EFCAB8: variants seen among roughly 807,000 people sequenced by gnomAD.
EFCAB8 encodes the protein EF-hand calcium-binding domain-containing protein 8.
A neutral mutation model predicts 116.3 loss-of-function variants in EFCAB8; 100 were observed. The ratio of observed to expected loss-of-function variants is 0.86; its 90% CI spans 0.73 to 1.02. The LOEUF (loss-of-function observed/expected upper bound fraction) is 1.02, where lower values mean the gene tolerates loss of function less well. Among genes scored for constraint, EFCAB8 ranks in the 50% least tolerant of loss-of-function variants. The probability of loss-of-function intolerance (pLI) is 0.00; values close to 1 mark genes in which losing one functional copy is unlikely to be tolerated. For missense variants in EFCAB8, 1,320 were observed against 1,416.9 expected, an observed-to-expected ratio of 0.93 and a Z score of 1.10; for synonymous variants, 558 against 567.9, an observed-to-expected ratio of 0.98 and a Z score of 0.25.
At chr20:32,893,369 G>C in intron 9 of EFCAB8, 71 bp downstream of exon 9, 2 of 1,533,150 alleles carry the variant, frequency 1.3e-6, no homozygotes, top group Non-Finnish European at 1.8e-6. Context: ...GGTCATCCTG[G>C]TCCCCGAGCC....
intron 23 of EFCAB8, among the ~76,000 whole-genome samples, chr20:32,950,001 A>AAAAC (rs141786896): frequency 0.65 from 97,850 of 151,106 alleles, 32,187 homozygotes; most frequent in Middle Eastern, 0.74. Flanking sequence ...CTCTGTCTCA[A>AAAAC]AAACAAACAA....
In EFCAB8 at chr20:32,908,273, A is replaced by G. The variant is rs1986770389; in HGVS notation, c.1309-2A>G. The G allele has an allele frequency of 2.4e-6, 3 of 1,249,494 alleles. No individual in the cohort carries two copies. The highest frequency in any genetic ancestry group is 3.0e-6 in the Non-Finnish European group (3 of 988,160). The allele number at this position is 1,249,494 out of a possible 1,614,324, so 77.4% of individuals were successfully genotyped here. ...GCGTCTTGCCTTTTTCCCATCCCCC[A>G]GAATATTCGCGTGTGGGACATGCTG... On this transcript the variant is annotated splice_acceptor_variant, in intron 13 of 26. Transcript: ENST00000400522. LOFTEE classifies it high-confidence loss of function.
intron 5 of EFCAB8, among the ~76,000 whole-genome samples, chr20:32,879,463 T>C (rs897857637): frequency 1.3e-5 from 2 of 152,226 alleles, no homozygotes; most frequent in Non-Finnish European, 1.5e-5. Flanking sequence ...CTTTTCCCTC[T>C]ACCCATCTGA....
At chr20:32,896,333 G>A (rs995342047) in intron 9 of EFCAB8, 121 bp from the exon 10 acceptor site, 6 of 645,096 alleles carry the variant, frequency 9.3e-6, no homozygotes, top group Non-Finnish European at 1.7e-5. Flanking sequence ...GAGGGTTTGG[G>A]TGGAAAAGCC....
chr20:32,924,516 A>G (rs1413161012), intron 20 of EFCAB8, among the ~76,000 whole-genome samples: 1 of 152,220 alleles, frequency 6.6e-6, no homozygotes, highest in Non-Finnish European at 1.5e-5. Context: ...TACTATTATT[A>G]TTATTCCCAT....
intron 9 of EFCAB8, among the ~76,000 whole-genome samples, chr20:32,896,174 C>T (rs8183625): frequency 0.2 from 29,822 of 152,108 alleles, 3,002 homozygotes; most frequent in South Asian, 0.22. Flanking sequence ...GATTGCAGCA[C>T]CTAGGAAGCG....
At chr20:32,935,293 C>T (rs1035597698) in intron 22 of EFCAB8, among the ~76,000 whole-genome samples, 1 of 149,386 alleles carries the variant, frequency 6.7e-6, no homozygotes, top group African/African-American at 2.5e-5. Context: ...CCCCGCCTCC[C>T]GGGTTCAAGC....
intron 3 of EFCAB8, among the ~76,000 whole-genome samples, chr20:32,874,580 C>T (rs928307902): frequency 2.0e-5 from 3 of 151,414 alleles, no homozygotes; most frequent in African/African-American, 7.3e-5. Context: ...CTCACTCGGT[C>T]GCTCAGGCTG....
At chr20:32,889,773 A>G (rs1219937111) in intron 7 of EFCAB8, among the ~76,000 whole-genome samples, 1 of 152,002 alleles carries the variant, frequency 6.6e-6, no homozygotes, top group Admixed American at 6.6e-5. Flanking sequence ...AGGCCGAGGC[A>G]GGCGGATCAC....
At chr20:32,928,640 A>G (rs778220641) in intron 20 of EFCAB8, among the ~76,000 whole-genome samples, 2 of 152,148 alleles carry the variant, frequency 1.3e-5, no homozygotes, top group Non-Finnish European at 2.9e-5. Context: ...TCTACATATA[A>G]GATAATATCA....
At chr20:32,893,531 G>A (rs1986018816) in intron 9 of EFCAB8, among the ~76,000 whole-genome samples, 2 of 152,176 alleles carry the variant, frequency 1.3e-5, no homozygotes, top group South Asian at 4.1e-4. Context: ...TCTGAGGATG[G>A]GAGGCTGTGC....
intron 11 of EFCAB8, among the ~76,000 whole-genome samples, chr20:32,901,983 G>T (rs1002443576): frequency 1.3e-5 from 2 of 152,136 alleles, no homozygotes; most frequent in African/African-American, 4.8e-5. Context: ...ACCGCTCCTG[G>T]CCTTGTTTTT....
chr20:32,907,823 C>T (rs1986749433), intron 13 of EFCAB8, among the ~76,000 whole-genome samples: 1 of 152,116 alleles, frequency 6.6e-6, no homozygotes, highest in South Asian at 2.1e-4. Flanking sequence ...TTCTGTGGGG[C>T]CCTCTAGGGA....
intron 20 of EFCAB8, 37 bp from the exon 21 acceptor site, chr20:32,930,361 A>T (rs1401667171): frequency 2.0e-6 from 3 of 1,527,614 alleles, no homozygotes; most frequent in Non-Finnish European, 2.6e-6. Flanking sequence ...ACAGTGGCTC[A>T]CAGCCCTGCT....
Position 32,898,528 on chromosome 20 carries a change from C to G in EFCAB8, c.993C>G (p.Phe331Leu). The G allele has an allele frequency of 1.4e-6, 1 of 718,622 alleles. No homozygotes were observed. The allele number at this position is 718,622 out of a possible 1,614,324, so 44.5% of individuals were successfully genotyped here. A position where few individuals can be genotyped will look rare whatever the true frequency, so the allele number is the denominator to read the frequency against. ...LHPNWCEQVKFIPQMNVVVSC... is the reference protein window; with the variant it reads ...LHPNWCEQVKLIPQMNVVVSC... Reference sequence around the variant, plus strand: ...CCAACTGGTGTGAGCAGGTCAAGTTCATCCCCCAGATGAATGTGGTAGTCT... The same window carrying G: ...CCAACTGGTGTGAGCAGGTCAAGTTGATCCCCCAGATGAATGTGGTAGTCT... Residue 331 changes from phenylalanine (F) to leucine (L), a missense_variant, in exon 11 of 27, where the codon TTC becomes TTG. Physicochemically the swap from Phe to Leu is conservative, Grantham distance 22. Transcript: ENST00000400522.
chr20:32,943,683 G>A lies in EFCAB8; in HGVS notation c.2838G>A (p.Met946Ile). The change falls in exon 23 of 27, where the codon ATG (methionine) becomes ATA (isoleucine). Residue 946 changes from methionine (M) to isoleucine (I), a missense_variant. By Grantham distance (10) the Met-to-Ile change is conservative (BLOSUM62 1). Coordinates refer to ENST00000400522, the MANE Select transcript of EFCAB8 (RefSeq NM_001143967.2). ...CCCTGGTTCCCCCCACGCTCCTGATGACCTGGAAAGGCCATTTGAATAGTG... is the reference window on the plus strand; with the variant it reads ...CCCTGGTTCCCCCCACGCTCCTGATAACCTGGAAAGGCCATTTGAATAGTG... ...TISLVPPTLL[M>I]TWKGHLNSVA... The A allele has an allele frequency of 2.4e-6, 1 of 417,136 alleles. No homozygotes were observed. Among genetic ancestry groups the A allele is most frequent in the Non-Finnish European group, 4.4e-6 (1 of 226,634 alleles). The allele number at this position is 417,136 out of a possible 1,614,324, so 25.8% of individuals were successfully genotyped here. A position where few individuals can be genotyped will look rare whatever the true frequency, so the allele number is the denominator to read the frequency against.
At chr20:32,861,101 T>G (rs192375209) in intron 1 of EFCAB8, among the ~76,000 whole-genome samples, 86 of 152,286 alleles carry the variant, frequency 5.6e-4, no homozygotes, top group African/African-American at 2.0e-3. Context: ...GTCAGATTCA[T>G]CCTTCTGATG....
Position 32,898,609 on chromosome 20 carries a change from C to T in EFCAB8, c.1074C>T (p.Ala358=). 1.4e-6 allele frequency: 1 copy of T among 718,676 alleles called. No homozygotes were observed. The highest frequency in any genetic ancestry group is 2.0e-5 in the Admixed American group (1 of 49,998). The allele number at this position is 718,676 out of a possible 1,614,324, so 44.5% of individuals were successfully genotyped here. The change falls in exon 11 of 27, where the codon GCC becomes GCT. Residue 358 remains alanine, a synonymous_variant. Transcript: ENST00000400522. ...TGCTGACAATATTGCCAGCCAAAGCCTCTAAGAAACCCAGGTAAGAAGTGC... is the reference window on the plus strand; with the variant it reads ...TGCTGACAATATTGCCAGCCAAAGCTTCTAAGAAACCCAGGTAAGAAGTGC... The part of the protein sequence containing the change: ...SLVLTILPAK[A]SKKPRLSVLR...
Position 32,917,401 on chromosome 20 carries a change from A to G in EFCAB8, c.1957A>G (p.Thr653Ala). 6.4e-7 allele frequency: 1 copy of G among 1,551,758 alleles called. No homozygotes were observed. The highest frequency in any genetic ancestry group is 1.2e-5 in the South Asian group (1 of 84,044). ...MAKYRNQFLG[T>A]SSYSGDILFW... Reference sequence around the variant, plus strand: ...CAAGTACCGGAACCAGTTCCTTGGGACCTCCTCCTACAGTGGGGACATCCT... The same window carrying G: ...CAAGTACCGGAACCAGTTCCTTGGGGCCTCCTCCTACAGTGGGGACATCCT... Residue 653 changes from threonine (T) to alanine (A), a missense_variant, in exon 18 of 27, where the codon ACC (threonine) becomes GCC (alanine). Thr to Ala is a moderately conservative substitution (Grantham distance 58). Transcript: ENST00000400522.
Sources: gnomAD v4.1 joint callset for allele counts (sites outside exome capture counted in the v4.1 genomes callset) on GRCh38, gnomAD v4.1.1 for gene constraint, MANE v1.5 for transcripts, NCBI Gene and HGNC (gene_info 2026-07-23, HGNC 2026-07-21) for gene names.